ACACA: variants seen among roughly 807,000 people sequenced by gnomAD.
ACACA encodes the protein acetyl-CoA carboxylase alpha.
ACACA carries 103 observed loss-of-function variants against 296.1 expected under a neutral mutation model. The ratio of observed to expected loss-of-function variants is 0.35; its 90% CI spans 0.30 to 0.41. The LOEUF is 0.41. Ranked by LOEUF, ACACA falls within the 10% of genes least tolerant of loss-of-function variation. The probability of loss-of-function intolerance (pLI) is 1.00; values close to 1 mark genes in which losing one functional copy is unlikely to be tolerated. For synonymous variants in ACACA, 953 were observed against 1,038.6 expected, an observed-to-expected ratio of 0.92 and a Z score of 1.58; for missense variants, 1,554 against 2,989.7, an observed-to-expected ratio of 0.52 and a Z score of 11.20.
At chr17:37,257,411 T>C (rs1386094926) in intron 14 of ACACA, among the ~76,000 whole-genome samples, 1 of 152,158 alleles carries the variant, frequency 6.6e-6, no homozygotes, top group Non-Finnish European at 1.5e-5. Flanking sequence ...ACTGTTCCTG[T>C]GGAAAAATAA....
intron 44 of ACACA, among the ~76,000 whole-genome samples, chr17:37,150,246 C>G (rs751067015): frequency 8.6e-5 from 13 of 151,260 alleles, no homozygotes; most frequent in Non-Finnish European, 1.3e-4. Context: ...CCCAGGAGTT[C>G]AAGACTACCT....
At chr17:37,233,856 T>G in intron 25 of ACACA, among the ~76,000 whole-genome samples, 1 of 152,216 alleles carries the variant, frequency 6.6e-6, no homozygotes, top group East Asian at 1.9e-4. Flanking sequence ...TGCATCTTTC[T>G]CGTTTCCCTA....
At chr17:37,405,975 A>G (rs948405327) in intron 1 of ACACA, among the ~76,000 whole-genome samples, 8 of 151,520 alleles carry the variant, frequency 5.3e-5, no homozygotes, top group African/African-American at 1.9e-4. Flanking sequence ...CAAATTTATC[A>G]AAGGCAGACT....
intron 16 of ACACA, among the ~76,000 whole-genome samples, chr17:37,250,963 C>A (rs994591632): frequency 2.0e-5 from 3 of 150,638 alleles, no homozygotes; most frequent in African/African-American, 7.3e-5. Flanking sequence ...AGAGGCGGAC[C>A]TTGCAGCGAG....
intron 1 of ACACA, among the ~76,000 whole-genome samples, chr17:37,347,742 A>T (rs1387239904): frequency 6.9e-6 from 1 of 145,948 alleles, no homozygotes; most frequent in African/African-American, 2.6e-5. Context: ...ATCCCTACTT[A>T]CGTAAAAAAA....
chr17:37,336,219 T>C (rs979616738), intron 2 of ACACA, among the ~76,000 whole-genome samples: 3 of 152,100 alleles, frequency 2.0e-5, no homozygotes, highest in East Asian at 1.9e-4. Context: ...CTGATGTTAA[T>C]GACATCAAAG....
chr17:37,113,722 G>A lies in ACACA; in HGVS notation c.6275-457C>T, dbSNP rs1003524473. On this transcript the variant is annotated intron_variant, in intron 50 of 55. Transcript: ENST00000616317. This position sits in a 1 kb window ranked among gnomAD's most constrained non-coding sequence, Gnocchi z 4.0. Reference sequence around the variant, plus strand: ...TGAGCTCTTCAAATGTGCACCTAATGGAAATTGATCCTTTAAAAATTTTAT... The same window carrying A: ...TGAGCTCTTCAAATGTGCACCTAATAGAAATTGATCCTTTAAAAATTTTAT... Among the ~76,000 whole-genome samples, 1 of 152,116 alleles carries A rather than the reference G, an allele frequency of 6.6e-6. No individual in the cohort carries two copies. The highest frequency in any genetic ancestry group is 1.5e-5 in the Non-Finnish European group (1 of 68,022).
At chr17:37,182,696 T>TAC in intron 39 of ACACA, among the ~76,000 whole-genome samples, 1 of 152,328 alleles carries the variant, frequency 6.6e-6, no homozygotes, top group Middle Eastern at 3.4e-3. Context: ...GGTATGTGTA[T>TAC]ACCTACATAT....
At position 37,161,242 on chromosome 17, in the gene ACACA, A is replaced by G. The variant is rs1160301303; in HGVS notation, c.5349+539T>C. Among the ~76,000 whole-genome samples the G allele has an allele frequency of 5.3e-5, 8 of 152,272 alleles. No individual in the cohort carries two copies. In the South Asian group the frequency reaches 1.7e-3, roughly 32 times the overall value. The stretch of plus-strand genomic sequence containing the variant: ...ATTCAAAGATGGGATTTTTTCAGAG[A>G]GAAGGGAGAGGTGTCTGGAAGCAGC... On this transcript the variant is annotated intron_variant, in intron 42 of 55. Transcript: ENST00000616317.
At chr17:37,280,433 C>T (rs1033071808) in intron 5 of ACACA, among the ~76,000 whole-genome samples, 3 of 152,114 alleles carry the variant, frequency 2.0e-5, no homozygotes, top group Non-Finnish European at 4.4e-5. Flanking sequence ...CCTTGAACTC[C>T]TGGGTTCAAG....
intron 29 of ACACA, among the ~76,000 whole-genome samples, chr17:37,219,164 A>G (rs1252696326): frequency 6.6e-6 from 1 of 152,208 alleles, no homozygotes; most frequent in Non-Finnish European, 1.5e-5. Context: ...GATTTAATCA[A>G]GCATGCCTAC....
At chr17:37,393,164 A>C (rs920576401) in intron 1 of ACACA, among the ~76,000 whole-genome samples, 1 of 151,862 alleles carries the variant, frequency 6.6e-6, no homozygotes, top group African/African-American at 2.4e-5. Flanking sequence ...AAAAGAAAAA[A>C]AAAAGAACCT....
At chr17:37,126,979 G>A (rs1005667977) in intron 47 of ACACA, among the ~76,000 whole-genome samples, 3 of 152,126 alleles carry the variant, frequency 2.0e-5, no homozygotes, top group Admixed American at 6.6e-5. Context: ...TTTCTTTAAC[G>A]CTTCCACTAA....
At chr17:37,209,263 C>T (rs1196138621) in intron 30 of ACACA, among the ~76,000 whole-genome samples, 1 of 152,164 alleles carries the variant, frequency 6.6e-6, no homozygotes, top group African/African-American at 2.4e-5. Context: ...TGCTATCATC[C>T]TCCTCTTTTC....
rs181852994 is a variant in ACACA at position 37,218,429 on chromosome 17, G to T, written c.3683+3295C>A. On this transcript the variant is annotated intron_variant, in intron 29 of 55. Transcript: ENST00000616317. ...GATGTTATTTGAATTAATTTTATCT[G>T]TTTCTTTTTACTTTTAAATGTGGCC... Among the ~76,000 whole-genome samples the T allele has an allele frequency of 5.3e-5, 8 of 152,224 alleles. No individual in the cohort carries two copies. In the East Asian group the frequency reaches 1.3e-3, roughly 26 times the overall value.
At chr17:37,201,276 TAAAAATAGAA>T (rs1222461392) in intron 33 of ACACA, among the ~76,000 whole-genome samples, 2 of 151,972 alleles carry the variant, frequency 1.3e-5, no homozygotes, top group African/African-American at 4.8e-5. Context: ...CTGTCTCTAC[TAAAAATAGAA>T]AAAAATGAGC....
intron 2 of ACACA, among the ~76,000 whole-genome samples, chr17:37,337,498 G>A (rs1025058594): frequency 4.7e-5 from 7 of 148,782 alleles, no homozygotes; most frequent in Admixed American, 1.3e-4. Flanking sequence ...CTGTCACTCA[G>A]GCTAGAGTGC....
At chr17:37,249,614 C>A (rs568890796) in intron 16 of ACACA, among the ~76,000 whole-genome samples, 14 of 152,060 alleles carry the variant, frequency 9.2e-5, no homozygotes, top group East Asian at 3.9e-4. Context: ...AGTGATGTTG[C>A]GCATGTTTTC....
intron 1 of ACACA, among the ~76,000 whole-genome samples, chr17:37,355,333 G>A (rs2049086241): frequency 6.6e-6 from 1 of 151,962 alleles, no homozygotes; most frequent in Non-Finnish European, 1.5e-5. Flanking sequence ...CGAAGTGGGT[G>A]GATCACAAGG....
Sources: allele counts gnomAD v4.1 joint callset (sites outside exome capture counted in the v4.1 genomes callset), GRCh38; gene constraint gnomAD v4.1.1; non-coding constraint Gnocchi (gnomAD v3.1); transcripts MANE v1.5; gene names NCBI Gene and HGNC (gene_info 2026-07-23, HGNC 2026-07-21).